The following SORCS3 variants were observed in gnomAD, a reference collection of about 807,000 sequenced individuals.
SORCS3 encodes the protein VPS10 domain-containing receptor SorCS3.
In SORCS3, 57 loss-of-function variants were observed where a neutral mutation model predicts 146.3. The ratio of observed to expected loss-of-function variants is 0.39; its 90% CI spans 0.31 to 0.49. The LOEUF is 0.49. Among genes scored for constraint, SORCS3 ranks in the 20% least tolerant of loss-of-function variants. The pLI is 0.92. For missense variants in SORCS3, 1,341 were observed against 1,575.5 expected (o/e 0.85, Z 2.52); for synonymous variants, 653 against 618.5 (o/e 1.06, Z -0.83).
chr10:105,206,367 A>AT (rs2056602553), intron 16 of SORCS3, among the ~76,000 whole-genome samples: 3 of 152,210 alleles, frequency 2.0e-5, no homozygotes, highest in Admixed American at 6.5e-5. Context: ...AGGGGCTACC[A>AT]TATTAGCTTA....
At chr10:105,257,835 G>A (rs991872850) in intron 25 of SORCS3, among the ~76,000 whole-genome samples, 1 of 152,156 alleles carries the variant, frequency 6.6e-6, no homozygotes, top group Non-Finnish European at 1.5e-5. Context: ...GCCTGCCAAA[G>A]ATGCCCTCTG....
At chr10:105,096,933 A>T (rs2133747030) in intron 6 of SORCS3, among the ~76,000 whole-genome samples, 1 of 152,356 alleles carries the variant, frequency 6.6e-6, no homozygotes, top group African/African-American at 2.4e-5. Context: ...GCTAAATAAA[A>T]CATATAAATG....
intron 5 of SORCS3, among the ~76,000 whole-genome samples, chr10:105,062,705 A>G (rs2055496073): frequency 6.6e-6 from 1 of 152,186 alleles, no homozygotes; most frequent in Admixed American, 6.5e-5. Flanking sequence ...CCCCATTATA[A>G]AAAGAACAAA....
chr10:104,794,891 C>G (rs1248167004), intron 1 of SORCS3, among the ~76,000 whole-genome samples: 1 of 152,134 alleles, frequency 6.6e-6, no homozygotes, highest in Non-Finnish European at 1.5e-5. Context: ...GCCTGCTTTC[C>G]TCTACCCTAA....
chr10:105,216,778 G>T (rs774389954), intron 18 of SORCS3, among the ~76,000 whole-genome samples, 158 bp from the exon 19 acceptor site: 1 of 152,068 alleles, frequency 6.6e-6, no homozygotes, highest in African/African-American at 2.4e-5. Context: ...AGTACCCTGC[G>T]GATCAGATAG....
intron 1 of SORCS3, among the ~76,000 whole-genome samples, chr10:104,646,136 G>T (rs1256137108): frequency 1.3e-5 from 2 of 152,224 alleles, no homozygotes; most frequent in African/African-American, 2.4e-5. Flanking sequence ...CTGAGGGGCC[G>T]TAGGGAGAGG....
intron 7 of SORCS3, among the ~76,000 whole-genome samples, chr10:105,109,031 G>C (rs1218065634): frequency 6.6e-6 from 1 of 152,088 alleles, no homozygotes; most frequent in Non-Finnish European, 1.5e-5. Flanking sequence ...CTGTGTGTCT[G>C]ATAATTTTGA....
intron 2 of SORCS3, among the ~76,000 whole-genome samples, chr10:104,875,752 A>G (rs1477468005): frequency 6.6e-6 from 1 of 152,168 alleles, no homozygotes; most frequent in Non-Finnish European, 1.5e-5. Context: ...TCAATGGTGC[A>G]TATTAGAAGT....
Position 105,264,805 on chromosome 10 carries a change from C to T in SORCS3, c.*1431C>T, listed in dbSNP as rs561840973. 103 of 152,750 alleles carry T rather than the reference C, an allele frequency of 6.7e-4. No homozygotes were observed. Among genetic ancestry groups the T allele is most frequent in the Middle Eastern group, 3.4e-3 (1 of 294 alleles). 9.5% of individuals were successfully genotyped at this position (152,750 alleles called of 1,614,324 possible). ...ATACCAATTTTTTTCAATAGGGTCA[C>T]GTTAAGCCATGCTGTAAGCATTGTT... On this transcript the variant is annotated 3_prime_UTR_variant, in exon 27 of 27. Transcript: ENST00000369701.
chr10:104,669,768 G>A (rs1003702997), intron 1 of SORCS3, among the ~76,000 whole-genome samples: 1 of 152,120 alleles, frequency 6.6e-6, no homozygotes, highest in African/African-American at 2.4e-5. Context: ...CCCATAAGTG[G>A]AATTGCTATA....
chr10:104,832,478 G>A (rs2018011626), intron 1 of SORCS3, among the ~76,000 whole-genome samples: 2 of 152,166 alleles, frequency 1.3e-5, no homozygotes, highest in South Asian at 2.1e-4. Context: ...AGCACTTTGG[G>A]AGGCCAAGGT....
At chr10:105,156,693 A>G (rs1054776753) in intron 9 of SORCS3, among the ~76,000 whole-genome samples, 4 of 152,188 alleles carry the variant, frequency 2.6e-5, no homozygotes, top group Non-Finnish European at 5.9e-5. Context: ...CTGCCCCAGG[A>G]TATCTTCATT....
intron 4 of SORCS3, among the ~76,000 whole-genome samples, chr10:105,023,158 A>ATTT (rs1380952137): frequency 6.6e-6 from 1 of 152,166 alleles, no homozygotes; most frequent in East Asian, 1.9e-4. Flanking sequence ...AGATGGCACA[A>ATTT]TTTTGGAGTT....
intron 7 of SORCS3, among the ~76,000 whole-genome samples, chr10:105,112,106 G>A (rs1038938968): frequency 6.6e-6 from 1 of 152,148 alleles, no homozygotes; most frequent in African/African-American, 2.4e-5. Flanking sequence ...GTGAATTTTA[G>A]CAGCTTCCCC....
chr10:105,061,934 C>T lies in SORCS3; in HGVS notation c.1028+18806C>T, dbSNP rs747195453. 5.3e-5 allele frequency among the ~76,000 whole-genome samples: 8 copies of T among 152,204 alleles called. No individual in the cohort carries two copies. The East Asian group carries it at 5.8e-4, about 11-fold the overall frequency. On this transcript the variant is annotated intron_variant, in intron 5 of 26. Transcript: ENST00000369701. ...CTAATGAGGTGGCTGTCATCAGCTG[C>T]GGAAAATTCCCAGAGAGTGACCCAG...
chr10:105,250,685 G>C (rs573959607), intron 22 of SORCS3, among the ~76,000 whole-genome samples: 9 of 152,214 alleles, frequency 5.9e-5, no homozygotes, highest in Non-Finnish European at 1.2e-4. Flanking sequence ...CTTGCTTTAA[G>C]GTAGTTAAAG....
chr10:104,922,515 G>C (rs1343304349), intron 3 of SORCS3, among the ~76,000 whole-genome samples: 7 of 152,182 alleles, frequency 4.6e-5, no homozygotes, highest in Non-Finnish European at 1.0e-4. Context: ...TAGAGACTTG[G>C]AAGCCCCTCT....
chr10:104,696,231 A>C (rs2016185264), intron 1 of SORCS3, among the ~76,000 whole-genome samples: 4 of 127,148 alleles, frequency 3.1e-5, no homozygotes, highest in South Asian at 4.5e-4. Flanking sequence ...TATATAATAT[A>C]TATCATATAC....
At chr10:105,107,414 G>C (rs1022264723) in intron 7 of SORCS3, among the ~76,000 whole-genome samples, 4 of 150,824 alleles carry the variant, frequency 2.7e-5, no homozygotes, top group African/African-American at 9.7e-5. Context: ...ATTGTTTCTC[G>C]GAAACATGAC....
Sources: allele counts gnomAD v4.1 joint callset (sites outside exome capture counted in the v4.1 genomes callset), GRCh38; gene constraint gnomAD v4.1.1; transcripts MANE v1.5; gene names NCBI Gene and HGNC (gene_info 2026-07-23, HGNC 2026-07-21).